PTPRG: variants seen among roughly 807,000 people sequenced by gnomAD.
PTPRG encodes receptor-type tyrosine-protein phosphatase gamma.
A neutral mutation model predicts 165.3 loss-of-function variants in PTPRG; 102 were observed. That is an observed-to-expected ratio of 0.62 (90% CI 0.53 to 0.73). PTPRG has a LOEUF of 0.73. PTPRG is among the 30% of genes least tolerant of loss of function. The pLI is 0.00. For synonymous variants in PTPRG, 675 were observed against 669.5 expected, an observed-to-expected ratio of 1.01 and a Z score of -0.13; for missense variants, 1,866 against 1,861.4, an observed-to-expected ratio of 1.00 and a Z score of -0.05.
chr3:62,202,809 A>G (rs1576128738), intron 11 of PTPRG, among the ~76,000 whole-genome samples: 1 of 152,328 alleles, frequency 6.6e-6, no homozygotes, highest in South Asian at 2.1e-4. Context: ...CATCACCCCA[A>G]GAACAGATGA....
intron 4 of PTPRG, among the ~76,000 whole-genome samples, chr3:62,074,343 C>A (rs372192070): frequency 1.4e-4 from 16 of 115,758 alleles, no homozygotes; most frequent in Non-Finnish European, 2.6e-4. Context: ...CCTTTCTTTT[C>A]TTTTCTTTCT....
intron 4 of PTPRG, among the ~76,000 whole-genome samples, chr3:62,020,127 G>A (rs1022692069): frequency 4.6e-5 from 7 of 151,696 alleles, no homozygotes; most frequent in African/African-American, 1.7e-4. Flanking sequence ...ACTTGGCAGA[G>A]GGTAGGGGGA....
Position 61,688,946 on chromosome 3 carries a change from G to A in PTPRG, c.86-59932G>A, listed in dbSNP as rs907400235. Reference sequence around the variant, plus strand: ...GGGAAAATATCCTAACATGTCTGGCGTGCCCTTTAACTTGACAGAGAGGGC... The same window carrying A: ...GGGAAAATATCCTAACATGTCTGGCATGCCCTTTAACTTGACAGAGAGGGC... On this transcript the variant is annotated intron_variant, in intron 1 of 29. Coordinates refer to ENST00000474889, the MANE Select transcript of PTPRG (RefSeq NM_002841.4). 3.9e-5 allele frequency among the ~76,000 whole-genome samples: 6 copies of A among 152,164 alleles called. No individual in the cohort carries two copies. In the South Asian group the frequency reaches 6.2e-4, roughly 16 times the overall value.
Position 61,720,670 on chromosome 3 carries a change from T to C in PTPRG, c.86-28208T>C, listed in dbSNP as rs1012609723. 3.9e-5 allele frequency among the ~76,000 whole-genome samples: 6 copies of C among 152,228 alleles called. No homozygotes were observed. The East Asian group carries it at 1.2e-3, about 29-fold the overall frequency. On this transcript the variant is annotated intron_variant, in intron 1 of 29. Coordinates refer to ENST00000474889, the MANE Select transcript of PTPRG (RefSeq NM_002841.4). Reference sequence around the variant, plus strand: ...ATGGCAAGAACTTCTGTCAGTTTATTTCACTGCTGTATGTGCAGGATATGG... The same window carrying C: ...ATGGCAAGAACTTCTGTCAGTTTATCTCACTGCTGTATGTGCAGGATATGG...
chr3:61,632,310 C>G (rs1701791577), intron 1 of PTPRG, among the ~76,000 whole-genome samples: 1 of 103,706 alleles, frequency 9.6e-6, no homozygotes, highest in Non-Finnish European at 1.9e-5. Context: ...CCCTGTTACA[C>G]ACGCACATAC....
intron 1 of PTPRG, among the ~76,000 whole-genome samples, chr3:61,665,572 T>C (rs1327956980): frequency 2.0e-5 from 3 of 151,982 alleles, no homozygotes; most frequent in Non-Finnish European, 4.4e-5. Context: ...TGCTTGTAAT[T>C]CCTGCACTTT....
chr3:62,108,444 T>C (rs1412513409), intron 5 of PTPRG, among the ~76,000 whole-genome samples: 2 of 152,232 alleles, frequency 1.3e-5, no homozygotes, highest in Non-Finnish European at 2.9e-5. Context: ...CGTTCTATCA[T>C]TGATGGACAT....
chr3:62,148,384 AG>A (rs1272074890), intron 6 of PTPRG, among the ~76,000 whole-genome samples: 5 of 152,170 alleles, frequency 3.3e-5, no homozygotes, highest in Admixed American at 6.5e-5. Context: ...CACCATAAGG[AG>A]TCTGGATTTT....
At chr3:61,994,674 G>A (rs1462518852) in intron 3 of PTPRG, among the ~76,000 whole-genome samples, 2 of 152,166 alleles carry the variant, frequency 1.3e-5, no homozygotes, top group Non-Finnish European at 2.9e-5. Flanking sequence ...TAGTAGAGTA[G>A]CAACTTAAGA....
intron 12 of PTPRG, among the ~76,000 whole-genome samples, chr3:62,206,712 C>T (rs990580089): frequency 1.3e-5 from 2 of 151,932 alleles, no homozygotes; most frequent in Non-Finnish European, 2.9e-5. Flanking sequence ...GAGGGTGGAT[C>T]GCTTAAATCC....
intron 2 of PTPRG, among the ~76,000 whole-genome samples, chr3:61,755,452 T>C (rs997176425): frequency 3.9e-5 from 6 of 152,224 alleles, no homozygotes; most frequent in Non-Finnish European, 5.9e-5. Context: ...CAGTCTCCCC[T>C]TTATTTATTT....
chr3:61,954,368 G>A (rs961749444), intron 2 of PTPRG, among the ~76,000 whole-genome samples: 2 of 152,180 alleles, frequency 1.3e-5, no homozygotes, highest in Non-Finnish European at 2.9e-5. Context: ...TTTGTTTAAA[G>A]ATGAGTGTAA....
chr3:62,073,181 T>C (rs1203522140), intron 4 of PTPRG, among the ~76,000 whole-genome samples: 1 of 151,994 alleles, frequency 6.6e-6, no homozygotes, highest in African/African-American at 2.4e-5. Context: ...TAAACTGCAG[T>C]GCAGGGAAAG....
intron 7 of PTPRG, 147 bp downstream of exon 7, chr3:62,157,371 T>C: frequency 1.2e-6 from 1 of 868,862 alleles, no homozygotes; most frequent in East Asian, 2.8e-5. Flanking sequence ...ACAAACATGT[T>C]TTTGAACCCA....
At chr3:61,615,535 C>G (rs1026997718) in intron 1 of PTPRG, among the ~76,000 whole-genome samples, 1 of 152,236 alleles carries the variant, frequency 6.6e-6, no homozygotes, top group Non-Finnish European at 1.5e-5. Flanking sequence ...AAGGCAGCAT[C>G]TGCCAGGCTT....
At chr3:61,735,557 C>T (rs1006197225) in intron 1 of PTPRG, among the ~76,000 whole-genome samples, 3 of 150,352 alleles carry the variant, frequency 2.0e-5, no homozygotes, top group East Asian at 1.9e-4. Context: ...TTTGAAATGC[C>T]GGGGACAGGC....
intron 1 of PTPRG, among the ~76,000 whole-genome samples, chr3:61,599,499 G>C (rs1363775988): frequency 5.3e-5 from 8 of 151,816 alleles, no homozygotes; most frequent in Admixed American, 3.9e-4. Flanking sequence ...TTTTTTCTTT[G>C]TTTGTTAGTT....
At chr3:61,704,164 G>A (rs959412530) in intron 1 of PTPRG, among the ~76,000 whole-genome samples, 3 of 152,166 alleles carry the variant, frequency 2.0e-5, no homozygotes, top group African/African-American at 7.2e-5. Context: ...CAAATTGGTT[G>A]TCTGGGAGGC....
chr3:61,573,203 T>G (rs1700098710), intron 1 of PTPRG, among the ~76,000 whole-genome samples: 1 of 152,188 alleles, frequency 6.6e-6, no homozygotes, highest in African/African-American at 2.4e-5. Context: ...TAAGAGCTGG[T>G]TCTCTTGATC....
Sources: allele counts gnomAD v4.1 joint callset (sites outside exome capture counted in the v4.1 genomes callset), GRCh38; gene constraint gnomAD v4.1.1; transcripts MANE v1.5; gene names NCBI Gene and HGNC (gene_info 2026-07-23, HGNC 2026-07-21).